Variants in NRXN1 observed in about 807,000 individuals in gnomAD.
NRXN1 encodes the protein neurexin 1, also known as neurexin-1.
NRXN1 carries 39 observed loss-of-function variants against 150.9 expected under a neutral mutation model. The ratio of observed to expected loss-of-function variants is 0.26; its 90% CI spans 0.20 to 0.34. The LOEUF (loss-of-function observed/expected upper bound fraction) is 0.34, where lower values mean the gene tolerates loss of function less well. Ranked by LOEUF, NRXN1 falls within the 10% of genes least tolerant of loss-of-function variation. NRXN1 has a pLI of 1.00. For synonymous variants in NRXN1, 924 were observed against 757.0 expected (o/e 1.22, Z -3.62); for missense variants, 1,815 against 1,949.9 (o/e 0.93, Z 1.30).
At chr2:50,499,587 A>G (rs1254520545) in intron 13 of NRXN1, among the ~76,000 whole-genome samples, 1 of 152,168 alleles carries the variant, frequency 6.6e-6, no homozygotes, top group African/African-American at 2.4e-5. Flanking sequence ...AATTATTTCC[A>G]AATATAAAGC....
intron 5 of NRXN1, among the ~76,000 whole-genome samples, chr2:50,796,094 G>A (rs1192203164): frequency 2.0e-5 from 3 of 152,026 alleles, no homozygotes; most frequent in Non-Finnish European, 4.4e-5. Flanking sequence ...CCTATTAATG[G>A]GGGAACTTTA....
intron 19 of NRXN1, among the ~76,000 whole-genome samples, chr2:50,070,178 A>C (rs886754349): frequency 3.3e-5 from 5 of 152,056 alleles, no homozygotes; most frequent in African/African-American, 1.2e-4. Context: ...AGAGTAGTTA[A>C]GACAATGAAG....
chr2:50,446,407 C>T (rs1260550816), intron 17 of NRXN1, among the ~76,000 whole-genome samples: 2 of 132,448 alleles, frequency 1.5e-5, no homozygotes, highest in Non-Finnish European at 3.2e-5. Context: ...CCTGCTTGCC[C>T]CTTCCTTCCT....
At chr2:49,991,699 T>G (rs1169978749) in intron 21 of NRXN1, among the ~76,000 whole-genome samples, 1 of 152,160 alleles carries the variant, frequency 6.6e-6, no homozygotes, top group Non-Finnish European at 1.5e-5. Flanking sequence ...GCAATCCCAA[T>G]CAAAATCCTG....
intron 2 of NRXN1, among the ~76,000 whole-genome samples, chr2:50,976,934 A>G (rs1040806175): frequency 6.6e-6 from 1 of 152,026 alleles, no homozygotes; most frequent in Non-Finnish European, 1.5e-5. Flanking sequence ...AATGATCATC[A>G]AAGGTCAAAG....
intron 17 of NRXN1, among the ~76,000 whole-genome samples, chr2:50,333,451 C>A (rs1191906117): frequency 6.6e-6 from 1 of 152,044 alleles, no homozygotes; most frequent in Non-Finnish European, 1.5e-5. Context: ...AACATCTCCC[C>A]AATATTAGCA....
chr2:50,397,132 C>A (rs1421835355), intron 17 of NRXN1, among the ~76,000 whole-genome samples: 1 of 152,096 alleles, frequency 6.6e-6, no homozygotes, highest in African/African-American at 2.4e-5. Context: ...GGTCACTGGG[C>A]CTACTCTACT....
chr2:50,429,488 C>T (rs981713970), intron 17 of NRXN1, among the ~76,000 whole-genome samples: 1 of 152,062 alleles, frequency 6.6e-6, no homozygotes, highest in Non-Finnish European at 1.5e-5. Flanking sequence ...CACTCCTGAC[C>T]TCAAGTGATC....
intron 5 of NRXN1, among the ~76,000 whole-genome samples, chr2:50,631,729 A>ATT (rs1682355919): frequency 6.6e-6 from 1 of 151,988 alleles, no homozygotes; most frequent in Admixed American, 6.6e-5. Flanking sequence ...CAAACAGGCC[A>ATT]TTCTGTGTCT....
intron 17 of NRXN1, among the ~76,000 whole-genome samples, chr2:50,350,334 G>C (rs1449235465): frequency 6.6e-6 from 1 of 152,112 alleles, no homozygotes; most frequent in Non-Finnish European, 1.5e-5. Flanking sequence ...CAGCCCTTTA[G>C]TATTATGCTT....
At chr2:50,594,827 T>C (rs962025519) in intron 8 of NRXN1, among the ~76,000 whole-genome samples, 1 of 152,120 alleles carries the variant, frequency 6.6e-6, no homozygotes, top group African/African-American at 2.4e-5. Context: ...CCTCTTGTCT[T>C]ACTCCATCCT....
intron 18 of NRXN1, among the ~76,000 whole-genome samples, chr2:50,235,371 C>T (rs549628074): frequency 1.3e-5 from 2 of 151,894 alleles, no homozygotes; most frequent in South Asian, 4.1e-4. Flanking sequence ...TCCAGAGTTC[C>T]CCTCTTGAGA....
intron 19 of NRXN1, among the ~76,000 whole-genome samples, chr2:50,082,056 T>C (rs1040949995): frequency 2.0e-5 from 3 of 152,202 alleles, no homozygotes; most frequent in Non-Finnish European, 4.4e-5. Context: ...CTCTTTAATA[T>C]GTCATTTTTT....
chr2:50,748,706 A>C (rs1418686061), intron 5 of NRXN1, among the ~76,000 whole-genome samples: 1 of 152,054 alleles, frequency 6.6e-6, no homozygotes, highest in Non-Finnish European at 1.5e-5. Flanking sequence ...TAATGTGCCT[A>C]ATTAGGCAAA....
intron 5 of NRXN1, among the ~76,000 whole-genome samples, chr2:50,776,861 T>C (rs1051028912): frequency 1.3e-5 from 2 of 152,010 alleles, no homozygotes; most frequent in African/African-American, 4.8e-5. Flanking sequence ...TATCCAATAT[T>C]CTGAAGCTAC....
intron 17 of NRXN1, among the ~76,000 whole-genome samples, chr2:50,440,635 A>G (rs1163372115): frequency 6.6e-6 from 1 of 152,216 alleles, no homozygotes; most frequent in East Asian, 1.9e-4. Flanking sequence ...GTAATGTTTG[A>G]ACAAAGAACT....
chr2:50,597,836 T>G (rs1675486579), intron 8 of NRXN1, among the ~76,000 whole-genome samples: 1 of 152,188 alleles, frequency 6.6e-6, no homozygotes, highest in Non-Finnish European at 1.5e-5. Context: ...CATTACCTTT[T>G]CTGATAAAAT....
chr2:50,457,948 T>A (rs1057314976), intron 17 of NRXN1, among the ~76,000 whole-genome samples: 1 of 152,058 alleles, frequency 6.6e-6, no homozygotes, highest in African/African-American at 2.4e-5. Context: ...ATCAAACACA[T>A]AACTACCGTA....
At chr2:50,133,446 G>A (rs1437835880) in intron 18 of NRXN1, among the ~76,000 whole-genome samples, 3 of 152,184 alleles carry the variant, frequency 2.0e-5, no homozygotes, top group African/African-American at 7.2e-5. Flanking sequence ...AACATAGGTG[G>A]AGTAGATATG....
Sources: allele counts gnomAD v4.1 joint callset (sites outside exome capture counted in the v4.1 genomes callset), GRCh38; gene constraint gnomAD v4.1.1; transcripts MANE v1.5; gene names NCBI Gene and HGNC (gene_info 2026-07-23, HGNC 2026-07-21).